The following OPRM1 variants were observed in gnomAD, a reference collection of about 807,000 sequenced individuals.
OPRM1 encodes the protein opioid receptor mu 1, also known as mu-type opioid receptor.
OPRM1 carries 27 observed loss-of-function variants against 31.8 expected under a neutral mutation model. The observed-to-expected ratio is 0.85, with a 90% confidence interval of 0.63 to 1.17. OPRM1 has a LOEUF of 1.17. Ranked by LOEUF, OPRM1 falls within the 50% of genes most tolerant of loss-of-function variation. The pLI, the probability that OPRM1 is intolerant of heterozygous loss-of-function variation, is 0.00. For synonymous variants in OPRM1, 196 were observed against 189.9 expected (o/e 1.03, Z -0.26); for missense variants, 536 against 511.1 (o/e 1.05, Z -0.47).
At chr6:154,173,640 C>T (rs565476911) in intron 3 of OPRM1, among the ~76,000 whole-genome samples, 11 of 152,064 alleles carry the variant, frequency 7.2e-5, no homozygotes, top group Admixed American at 2.6e-4. Context: ...TGAAAAGAAA[C>T]GAACAAAGCC....
intron 3 of OPRM1, among the ~76,000 whole-genome samples, chr6:154,213,886 G>C (rs77789584): frequency 0.047 from 7,090 of 152,290 alleles, 222 homozygotes; most frequent in Non-Finnish European, 0.076. Flanking sequence ...TAACTGACCA[G>C]ATCATGACGA....
At chr6:154,231,483 G>A (rs1583859917) in intron 3 of OPRM1, among the ~76,000 whole-genome samples, 2 of 152,362 alleles carry the variant, frequency 1.3e-5, no homozygotes, top group Admixed American at 1.3e-4. Context: ...TGCAAAGAAT[G>A]CAAATGTCTG....
intron 3 of OPRM1, among the ~76,000 whole-genome samples, chr6:154,169,136 G>C (rs1399131371): frequency 2.0e-5 from 3 of 152,144 alleles, no homozygotes; most frequent in African/African-American, 7.2e-5. Context: ...CAAGGCAGGA[G>C]GATCGCCTGA....
In OPRM1 at chr6:154,110,906, AAAAGAG is replaced by A. The variant is rs1414981284; in HGVS notation, c.1165-7775_1165-7770del. On this transcript the variant is annotated intron_variant, in intron 3 of 3. Transcript: ENST00000330432. ...CGTCTCAAAAAAAAAAAAAAAAAAAAAAAGAGAGAATTAGGACTCATTTCTGGGTTT... is the reference window on the plus strand; with the variant it reads ...CGTCTCAAAAAAAAAAAAAAAAAAAAAGAATTAGGACTCATTTCTGGGTTT... Among the ~76,000 whole-genome samples, 201 of 142,092 alleles carry A rather than the reference AAAAGAG, an allele frequency of 1.4e-3. 2 individuals are homozygous for A. Among genetic ancestry groups the A allele is most frequent in the Middle Eastern group, 3.7e-3 (1 of 272 alleles). The allele number at this position is 142,092 out of a possible 152,430, so 93.2% of individuals were successfully genotyped here.
intron 1 of OPRM1, among the ~76,000 whole-genome samples, chr6:154,057,916 G>T (rs1783636359): frequency 6.6e-6 from 1 of 152,166 alleles, no homozygotes. Flanking sequence ...TATCAGTTTT[G>T]TGATATTTAA....
chr6:154,049,298 A>G (rs1781759352), intron 1 of OPRM1, among the ~76,000 whole-genome samples: 1 of 152,174 alleles, frequency 6.6e-6, no homozygotes, highest in Admixed American at 6.6e-5. Context: ...AACAACAACA[A>G]AAAAACACAG....
At chr6:154,243,458 G>T (rs1304533408) in intron 3 of OPRM1, among the ~76,000 whole-genome samples, 1 of 152,164 alleles carries the variant, frequency 6.6e-6, no homozygotes, top group African/African-American at 2.4e-5. Context: ...AACGTGTGGT[G>T]AAAGAAAAAG....
chr6:154,202,121 A>C (rs977187381), intron 3 of OPRM1, among the ~76,000 whole-genome samples: 5 of 152,250 alleles, frequency 3.3e-5, no homozygotes, highest in African/African-American at 1.2e-4. Flanking sequence ...GTACCCAATC[A>C]GTTCCATGCT....
Position 154,120,430 on chromosome 6 carries a change from G to A in OPRM1, c.*1709G>A, listed in dbSNP as rs9371776. 3.5e-3 allele frequency among the ~76,000 whole-genome samples: 526 copies of A among 152,184 alleles called. 7 individuals carry two copies. The East Asian group carries it at 0.046, about 13-fold the overall frequency. On this transcript the variant is annotated 3_prime_UTR_variant, in exon 4 of 4. Coordinates refer to ENST00000330432, the MANE Select transcript of OPRM1 (RefSeq NM_000914.5). ...GTGTTTCCTTCTGATGAAGTTTCAT[G>A]TTTGCTTGTAATAATCTCCATTTCT...
At chr6:154,099,758 T>C (rs1013559416) in intron 3 of OPRM1, among the ~76,000 whole-genome samples, 2 of 148,238 alleles carry the variant, frequency 1.3e-5, no homozygotes, top group Non-Finnish European at 3.0e-5. Context: ...TTTAAAAACA[T>C]GGAGAGTTTT....
chr6:154,079,932 C>G (rs1788720099), intron 1 of OPRM1, among the ~76,000 whole-genome samples: 1 of 152,116 alleles, frequency 6.6e-6, no homozygotes, highest in South Asian at 2.1e-4. Flanking sequence ...GTAATGCTTT[C>G]TTAAATGGTA....
At chr6:154,235,759 AG>A (rs1222010625) in intron 3 of OPRM1, among the ~76,000 whole-genome samples, 1 of 152,210 alleles carries the variant, frequency 6.6e-6, no homozygotes, top group Non-Finnish European at 1.5e-5. Context: ...TCTCCCAAGA[AG>A]ATATGGAAAT....
At chr6:154,188,095 TATG>T (rs1200375330) in intron 3 of OPRM1, among the ~76,000 whole-genome samples, 1 of 152,196 alleles carries the variant, frequency 6.6e-6, no homozygotes, top group Non-Finnish European at 1.5e-5. Context: ...TTTGTAGAAA[TATG>T]ATCATATACA....
chr6:154,134,919 TAAATTAGG>T (rs1346382000), downstream of OPRM1, among the ~76,000 whole-genome samples: 470 of 152,310 alleles, frequency 3.1e-3, 12 homozygotes, highest in Non-Finnish European at 4.3e-4. Flanking sequence ...ACTATCTATT[TAAATTAGG>T]TTTCATTTTG....
chr6:154,206,655 A>G (rs1777519670), intron 3 of OPRM1, among the ~76,000 whole-genome samples: 1 of 152,228 alleles, frequency 6.6e-6, no homozygotes, highest in Non-Finnish European at 1.5e-5. Context: ...AGAGTTCAGA[A>G]GAGGGAAGAA....
chr6:154,012,190 A>G (rs1023879871), intron 1 of OPRM1, among the ~76,000 whole-genome samples: 7 of 152,196 alleles, frequency 4.6e-5, no homozygotes, highest in South Asian at 4.1e-4. Flanking sequence ...GCTGTGTTTT[A>G]ATAGTTGACA....
chr6:154,034,503 G>A (rs1779185732), upstream of OPRM1, among the ~76,000 whole-genome samples: 2 of 152,124 alleles, frequency 1.3e-5, no homozygotes, highest in African/African-American at 2.4e-5. Context: ...AGCTGAGATC[G>A]CGCCACTGCA....
intron 3 of OPRM1, among the ~76,000 whole-genome samples, chr6:154,191,336 A>G (rs995187044): frequency 5.3e-5 from 8 of 152,146 alleles, no homozygotes; most frequent in Non-Finnish European, 1.0e-4. Flanking sequence ...ATGACGTTAT[A>G]CATTTGTCAA....
chr6:154,196,128 A>C (rs11970612), intron 3 of OPRM1, among the ~76,000 whole-genome samples: 14,645 of 152,134 alleles, frequency 0.096, 1,090 homozygotes, highest in African/African-American at 0.2. Flanking sequence ...CACAAAGTAC[A>C]TCAGCACATG....
Sources: allele counts gnomAD v4.1 joint callset (sites outside exome capture counted in the v4.1 genomes callset), GRCh38; gene constraint gnomAD v4.1.1; transcripts MANE v1.5; gene names NCBI Gene and HGNC (gene_info 2026-07-23, HGNC 2026-07-21).